Variants in TDRKH observed in about 807,000 individuals in gnomAD.
TDRKH encodes the protein tudor and KH domain containing, also known as tudor and KH domain-containing protein.
A neutral mutation model predicts 61.3 loss-of-function variants in TDRKH; 28 were observed. The observed-to-expected ratio is 0.46, with a 90% CI of 0.34 to 0.63. The LOEUF (loss-of-function observed/expected upper bound fraction) is 0.63. Among genes scored for constraint, TDRKH ranks in the 20% least tolerant of loss-of-function variants. The pLI, the probability that TDRKH is intolerant of heterozygous loss-of-function variation, is 0.01. For synonymous variants in TDRKH, 219 were observed against 244.4 expected (o/e 0.90, Z 0.97); for missense variants, 540 against 683.4 (o/e 0.79, Z 2.34).
chr1:151,766,621 T>C, downstream of TDRKH: 1 of 1,397,866 alleles, frequency 7.2e-7, no homozygotes, highest in Non-Finnish European at 9.8e-7. Context: ...CCCTTATCCA[T>C]GTCATAGTGC....
intron 3 of TDRKH, among the ~76,000 whole-genome samples, chr1:151,780,530 A>G (rs1558145105): frequency 6.6e-6 from 1 of 152,228 alleles, no homozygotes; most frequent in South Asian, 2.1e-4. Flanking sequence ...CTGTCAATTA[A>G]TGAGAGTTCA....
downstream of TDRKH, among the ~76,000 whole-genome samples, chr1:151,770,835 A>G (rs1440779861): frequency 6.6e-6 from 1 of 152,194 alleles, no homozygotes; most frequent in Admixed American, 6.5e-5. Context: ...TGTGAGGAGG[A>G]AGGTTCTATG....
chr1:151,790,355 A>AC (rs1429662986), intron 1 of TDRKH, 25 bp downstream of exon 1: 2 of 152,284 alleles, frequency 1.3e-5, no homozygotes, highest in African/African-American at 2.4e-5. Context: ...GCTGCCCATG[A>AC]CCCTGTCTTT....
chr1:151,770,800 G>T (rs988710642), downstream of TDRKH, among the ~76,000 whole-genome samples: 1 of 152,168 alleles, frequency 6.6e-6, no homozygotes, highest in Admixed American at 6.5e-5. Flanking sequence ...AGCACTTCAT[G>T]AACATCTCAT....
intron 3 of TDRKH, among the ~76,000 whole-genome samples, chr1:151,780,983 T>C (rs1649704044): frequency 1.3e-5 from 2 of 152,084 alleles, no homozygotes; most frequent in East Asian, 3.9e-4. Flanking sequence ...AGCTAAAAAG[T>C]TTAGTTAGCT....
chr1:151,789,881 C>T (rs568979262), intron 1 of TDRKH, among the ~76,000 whole-genome samples: 1 of 152,106 alleles, frequency 6.6e-6, no homozygotes, highest in East Asian at 1.9e-4. Flanking sequence ...AGGAAAGGGT[C>T]TAAAAGTCAG....
chr1:151,771,166 A>G (rs1354164515), downstream of TDRKH: 1 of 1,613,616 alleles, frequency 6.2e-7, no homozygotes, highest in Admixed American at 1.7e-5. Flanking sequence ...TGTCATCTTT[A>G]TGGTGTATCC....
chr1:151,776,279 GGAGGAGGA>G lies in TDRKH; in HGVS notation c.1045-19_1045-12del. The G allele has an allele frequency of 6.2e-7, 1 of 1,611,548 alleles. No homozygotes were observed. ...AGTCAAGTCTTCAGGCTGTATGTGG[GGAGGAGGA>G]GAAAGGCAGAGAGTTACAAAGTGGT... On this transcript the variant is annotated splice_polypyrimidine_tract_variant and intron_variant, in intron 7 of 12. Transcript: ENST00000368824.
At chr1:151,775,786 G>A (rs1208137779) in intron 9 of TDRKH, 34 bp downstream of exon 9, 1 of 1,603,588 alleles carries the variant, frequency 6.2e-7, no homozygotes, top group South Asian at 1.1e-5. Flanking sequence ...ATTCTATTTG[G>A]AGGTAAGCTC....
rs768505124 is a variant in TDRKH at position 151,781,555 on chromosome 1, T to C, written c.157A>G (p.Ile53Val). 5 of 1,613,622 alleles carry C rather than the reference T, an allele frequency of 3.1e-6. No individual in the cohort carries two copies. Among genetic ancestry groups the C allele is most frequent in the East Asian group, 4.5e-5 (2 of 44,868 alleles). ...TGGGGAACCCGCATCTCTATCTCAA[T>C]GTCATCTTCCCCAACAAATGTCAGC... ...ERLTFVGEDD[I>V]EIEMRVPQEA... Residue 53 changes from isoleucine to valine, a missense_variant, in exon 3 of 13, where the codon ATT (isoleucine) becomes GTT (valine). Ile to Val is a conservative substitution (Grantham distance 29). Coordinates refer to ENST00000368824, the MANE Select transcript of TDRKH (RefSeq NM_001083965.2).
chr1:151,770,197 G>A (rs1203432386), downstream of TDRKH: 2 of 1,613,898 alleles, frequency 1.2e-6, no homozygotes, highest in Non-Finnish European at 1.7e-6. Flanking sequence ...GGAGTACGTG[G>A]AAGAGAAGAC....
chr1:151,777,325 G>A (rs1246493766), intron 6 of TDRKH, among the ~76,000 whole-genome samples: 1 of 151,922 alleles, frequency 6.6e-6, no homozygotes, highest in Non-Finnish European at 1.5e-5. Flanking sequence ...GTGCACCTGT[G>A]GTCTCATCTA....
chr1:151,780,978 A>C (rs1019798884), intron 3 of TDRKH, among the ~76,000 whole-genome samples: 2 of 152,114 alleles, frequency 1.3e-5, no homozygotes, highest in Admixed American at 6.6e-5. Context: ...GAAGTAGCTA[A>C]AAAGTTTAGT....
chr1:151,786,529 T>C (rs1650330353), intron 1 of TDRKH, among the ~76,000 whole-genome samples: 1 of 152,188 alleles, frequency 6.6e-6, no homozygotes, highest in Non-Finnish European at 1.5e-5. Context: ...CAGGATTGAC[T>C]ATGGGTAAGT....
intron 1 of TDRKH, among the ~76,000 whole-genome samples, chr1:151,787,048 A>G (rs1650379036): frequency 6.6e-6 from 1 of 152,204 alleles, no homozygotes; most frequent in African/African-American, 2.4e-5. Flanking sequence ...ATGGTATTAT[A>G]TAAGCATCGT....
At chr1:151,780,269 C>T (rs912844349) in intron 3 of TDRKH, 129 bp from the exon 4 acceptor site, 1 of 279,710 alleles carries the variant, frequency 3.6e-6, no homozygotes, top group South Asian at 5.4e-5. Context: ...ACTATCTATA[C>T]AACCAGTCCT....
chr1:151,775,998 A>ATC (rs1172743892), intron 8 of TDRKH, 98 bp downstream of exon 8: 6 of 1,568,702 alleles, frequency 3.8e-6, no homozygotes, highest in Non-Finnish European at 4.4e-6. Context: ...CTCTGTAAAC[A>ATC]GGTTCCCTTC....
chr1:151,766,560 T>G, downstream of TDRKH: 1 of 680,788 alleles, frequency 1.5e-6, no homozygotes, highest in Non-Finnish European at 2.5e-6. Context: ...GGATAAGGGA[T>G]TAGGGTAGAT....
At position 151,778,894 on chromosome 1, in the gene TDRKH, A is replaced by T. The variant is rs751577210; in HGVS notation, c.674T>A (p.Met225Lys). 22 of 1,613,990 alleles carry T rather than the reference A, an allele frequency of 1.4e-5. No individual in the cohort carries two copies. In the East Asian group the frequency reaches 4.9e-4, roughly 36 times the overall value. ...CTCTCCAGCTCCACCTGGCTCTGTC[A>T]TGTCTTCTCTTCTCACACTGATTGG... ...KQPISVRRED[M>K]TEPGGAGEPA... The change falls in exon 6 of 13, where the codon ATG becomes AAG. Residue 225 changes from methionine (M) to lysine (K), a missense_variant. Physicochemically the swap from Met to Lys is moderately conservative, Grantham distance 95. Coordinates refer to ENST00000368824, the MANE Select transcript of TDRKH (RefSeq NM_001083965.2).
Sources: gnomAD v4.1 joint callset for allele counts (sites outside exome capture counted in the v4.1 genomes callset) on GRCh38, gnomAD v4.1.1 for gene constraint, MANE v1.5 for transcripts, NCBI Gene and HGNC (gene_info 2026-07-23, HGNC 2026-07-21) for gene names.